PDE4D: variants seen among roughly 807,000 people sequenced by gnomAD.
PDE4D encodes the protein phosphodiesterase 4D, also known as 3',5'-cyclic-AMP phosphodiesterase 4D.
In PDE4D, 24 loss-of-function variants were observed where a neutral mutation model predicts 87.4. The observed-to-expected ratio is 0.27, with a 90% CI of 0.20 to 0.39. The LOEUF is 0.39. PDE4D is among the 10% of genes least tolerant of loss of function. The probability of loss-of-function intolerance (pLI) is 1.00; values close to 1 mark genes in which losing one functional copy is unlikely to be tolerated. For synonymous variants in PDE4D, 384 were observed against 383.2 expected, an observed-to-expected ratio of 1.00 and a Z score of -0.02; for missense variants, 714 against 1,041.0, an observed-to-expected ratio of 0.69 and a Z score of 4.32.
At chr5:59,919,438 AAG>A (rs1754430960) in intron 3 of PDE4D, among the ~76,000 whole-genome samples, 1 of 152,198 alleles carries the variant, frequency 6.6e-6, no homozygotes, top group African/African-American at 2.4e-5. Context: ...TTAGATATGA[AAG>A]AATTCCAGGC....
chr5:58,974,744 C>G lies in PDE4D; in HGVS notation c.2350G>C (p.Val784Leu). The change falls in exon 15 of 15, where the codon GTT (valine) becomes CTT (leucine). Residue 784 changes from valine to leucine, a missense_variant. By Grantham distance (32) the Val-to-Leu change is conservative (BLOSUM62 1). Around this residue, in one of 7 missense-constraint regions of PDE4D, gnomAD observed 90 missense variants for 95.3 expected, o/e 0.94. Coordinates refer to ENST00000340635, the MANE Select transcript of PDE4D (RefSeq NM_001104631.2). ...ESTEIPLDEQ[V>L]EEEAVGEEEE... ...TCTTCCCCTACTGCCTCCTCTTCAACCTGTTCATCAAGGGGAATTTCAGTA... is the reference window on the plus strand; with the variant it reads ...TCTTCCCCTACTGCCTCCTCTTCAAGCTGTTCATCAAGGGGAATTTCAGTA... The G allele has an allele frequency of 6.8e-6, 11 of 1,613,588 alleles. No individual in the cohort carries two copies. The highest frequency in any genetic ancestry group is 9.3e-6 in the Non-Finnish European group (11 of 1,179,606).
At chr5:60,156,447 T>C (rs1425670977) in intron 2 of PDE4D, among the ~76,000 whole-genome samples, 1 of 152,210 alleles carries the variant, frequency 6.6e-6, no homozygotes, top group Non-Finnish European at 1.5e-5. Flanking sequence ...TATTAAACTT[T>C]ACTCATAAAT....
intron 5 of PDE4D, among the ~76,000 whole-genome samples, chr5:59,061,309 C>A (rs1044966667): frequency 6.6e-6 from 1 of 151,952 alleles, no homozygotes; most frequent in African/African-American, 2.4e-5. Context: ...AGCACAAACA[C>A]CTCTGAATGT....
At chr5:59,239,806 G>T (rs1450325624) in intron 1 of PDE4D, among the ~76,000 whole-genome samples, 1 of 152,230 alleles carries the variant, frequency 6.6e-6, no homozygotes, top group East Asian at 1.9e-4. Context: ...TTGCCAGCTA[G>T]GGGACCTTAA....
intron 1 of PDE4D, among the ~76,000 whole-genome samples, chr5:60,356,989 T>C (rs578240230): frequency 1.1e-3 from 173 of 152,244 alleles, no homozygotes; most frequent in African/African-American, 3.8e-3. Flanking sequence ...TGTCATAAAT[T>C]CACTGGTGAT....
intron 5 of PDE4D, among the ~76,000 whole-genome samples, chr5:59,095,775 G>T (rs915328517): frequency 2.0e-5 from 3 of 151,918 alleles, no homozygotes; most frequent in African/African-American, 7.3e-5. Flanking sequence ...GGCTAAGACT[G>T]GATAATATCA....
Position 59,883,515 on chromosome 5 carries a change from T to C in PDE4D, c.455+9653A>G, listed in dbSNP as rs148843553. Among the ~76,000 whole-genome samples, 480 of 152,338 alleles carry C rather than the reference T, an allele frequency of 3.2e-3. 5 individuals are homozygous for C. Among genetic ancestry groups the C allele is most frequent in the African/African-American group, 0.011 (445 of 41,572 alleles). On this transcript the variant is annotated intron_variant, in intron 1 of 14. Transcript: ENST00000340635. The stretch of plus-strand genomic sequence containing the variant: ...TAGACAACAGGCCATCAATGTGTAG[T>C]TTTATAAGAATCAGTCACAGTTATA...
At chr5:59,769,073 TC>T (rs1763179690) in intron 1 of PDE4D, among the ~76,000 whole-genome samples, 1 of 145,500 alleles carries the variant, frequency 6.9e-6, no homozygotes, top group Admixed American at 6.9e-5. Flanking sequence ...TGTTTTTTTC[TC>T]TCTTTTTTTT....
chr5:59,245,720 T>G (rs552650568), intron 1 of PDE4D, among the ~76,000 whole-genome samples: 73 of 152,236 alleles, frequency 4.8e-4, no homozygotes, highest in African/African-American at 1.7e-3. Flanking sequence ...GCTTCGTGCC[T>G]TTGGGAAGAT....
chr5:59,622,057 A>C (rs1830408422), intron 1 of PDE4D, among the ~76,000 whole-genome samples: 1 of 152,194 alleles, frequency 6.6e-6, no homozygotes, highest in Non-Finnish European at 1.5e-5. Flanking sequence ...TGGCTTCAGA[A>C]GATAAAACTT....
At chr5:59,371,180 ATAGT>A (rs770700748) in intron 1 of PDE4D, among the ~76,000 whole-genome samples, 11 of 152,218 alleles carry the variant, frequency 7.2e-5, no homozygotes, top group African/African-American at 2.2e-4. Context: ...ATGAACAATG[ATAGT>A]TAGGAAAAGA....
intron 2 of PDE4D, among the ~76,000 whole-genome samples, chr5:60,139,539 A>C (rs1372465009): frequency 6.6e-6 from 1 of 152,140 alleles, no homozygotes; most frequent in African/African-American, 2.4e-5. Context: ...ACTTACTGCT[A>C]TCAAAGATAT....
rs550949321 is a variant in PDE4D at position 59,121,345 on chromosome 5, C to T, written c.808+59250G>A. On this transcript the variant is annotated intron_variant, in intron 5 of 14. Coordinates refer to ENST00000340635, the MANE Select transcript of PDE4D (RefSeq NM_001104631.2). ...ATTCAGAATATATTAGGAACTCAAA[C>T]GTCTCAATAGTAAAAAAGCACACAA... Among the ~76,000 whole-genome samples the T allele has an allele frequency of 7.2e-5, 11 of 152,128 alleles. No individual in the cohort carries two copies. In the South Asian group the frequency reaches 1.5e-3, roughly 20 times the overall value.
At chr5:59,630,886 C>T (rs1312767401) in intron 1 of PDE4D, among the ~76,000 whole-genome samples, 1 of 152,058 alleles carries the variant, frequency 6.6e-6, no homozygotes, top group African/African-American at 2.4e-5. Flanking sequence ...GGTGTAGACC[C>T]TTGGCTGAGT....
chr5:60,129,649 T>C (rs1420926951), intron 2 of PDE4D, among the ~76,000 whole-genome samples: 1 of 152,132 alleles, frequency 6.6e-6, no homozygotes, highest in East Asian at 1.9e-4. Context: ...CAAAATACCA[T>C]AGACCTGAGG....
chr5:60,124,142 C>T (rs1456464174), intron 2 of PDE4D, among the ~76,000 whole-genome samples: 1 of 152,086 alleles, frequency 6.6e-6, no homozygotes, highest in Admixed American at 6.6e-5. Context: ...CATCATAATG[C>T]ATATAACATC....
chr5:59,835,651 A>C (rs371075374), intron 1 of PDE4D, among the ~76,000 whole-genome samples: 5 of 152,072 alleles, frequency 3.3e-5, no homozygotes, highest in African/African-American at 9.7e-5. Flanking sequence ...AATAATAATA[A>C]ATGTACTTGA....
chr5:59,173,486 G>T (rs34265208), intron 5 of PDE4D, among the ~76,000 whole-genome samples: 2 of 152,186 alleles, frequency 1.3e-5, no homozygotes, highest in Admixed American at 1.3e-4. Flanking sequence ...TTTACCGGAA[G>T]ATTCTTTTTC....
intron 1 of PDE4D, among the ~76,000 whole-genome samples, chr5:59,759,870 T>A (rs1477500525): frequency 1.3e-5 from 2 of 152,142 alleles, no homozygotes; most frequent in African/African-American, 4.8e-5. Flanking sequence ...CTGGCAGCAA[T>A]GCTCTTCTCC....
Sources: gnomAD v4.1 joint callset for allele counts (sites outside exome capture counted in the v4.1 genomes callset) on GRCh38, gnomAD v4.1.1 for gene constraint, gnomAD v4.1.1 regional missense constraint, MANE v1.5 for transcripts, NCBI Gene and HGNC (gene_info 2026-07-23, HGNC 2026-07-21) for gene names.